CIMAP1B: variants seen among roughly 807,000 people sequenced by gnomAD.
CIMAP1B encodes the protein orf2 5' to PD-ECGF/TP.
At chr22:50,531,556 C>T in the CIMAP1B span, 2 of 1,424,588 alleles carry the variant, frequency 1.4e-6, no homozygotes, top group Non-Finnish European at 1.8e-6. Flanking sequence ...GGCCAGGGGC[C>T]CGGGGGTCCT....
chr22:50,531,511 G>T, the CIMAP1B span: 1 of 1,386,046 alleles, frequency 7.2e-7, no homozygotes, highest in Non-Finnish European at 9.4e-7. Flanking sequence ...GGGGTTCCCA[G>T]GTGGGCCTCC....
At chr22:50,531,452 C>T in the CIMAP1B span, 2 of 1,073,514 alleles carry the variant, frequency 1.9e-6, no homozygotes, top group African/African-American at 1.6e-5. Flanking sequence ...TATGGGGGTA[C>T]CGAATATGCG....
chr22:50,531,083 G>A, the CIMAP1B span: 9 of 1,599,528 alleles, frequency 5.6e-6, no homozygotes, highest in South Asian at 8.9e-5. Flanking sequence ...GGGCTCGGGG[G>A]TAGTGGGTCT....
At chr22:50,531,902 T>G in the CIMAP1B span, 1 of 1,311,708 alleles carries the variant, frequency 7.6e-7, no homozygotes, top group Non-Finnish European at 9.8e-7. Context: ...CAGGCCTCCC[T>G]GGTCTCTTCC....
the CIMAP1B span, chr22:50,530,518 C>T: frequency 1.2e-6 from 2 of 1,601,348 alleles, no homozygotes; most frequent in Non-Finnish European, 1.7e-6. Context: ...GCCAGGTAGT[C>T]CGAGTGCCGG....
At chr22:50,531,156 G>T in the CIMAP1B span, 44 of 1,595,060 alleles carry the variant, frequency 2.8e-5, no homozygotes, top group Middle Eastern at 3.3e-4. Context: ...GAGTGGGAAG[G>T]CCCACAGTTC....
chr22:50,531,550 A>T, the CIMAP1B span: 1 of 1,417,876 alleles, frequency 7.1e-7, no homozygotes, highest in South Asian at 1.6e-5. Flanking sequence ...TGGGGTGGCC[A>T]GGGGCCCGGG....
chr22:50,532,259 C>A, the CIMAP1B span: 39 of 848,800 alleles, frequency 4.6e-5, no homozygotes, highest in East Asian at 1.3e-3. Context: ...TCCTTCCCGG[C>A]TGTGTGGAGC....
chr22:50,530,465 C>A, the CIMAP1B span: 26 of 1,584,500 alleles, frequency 1.6e-5, no homozygotes, highest in Non-Finnish European at 2.1e-5. Context: ...TGTGGGGCCG[C>A]TCCCGCCTGG....
the CIMAP1B span, chr22:50,531,608 C>T: frequency 1.4e-6 from 2 of 1,404,168 alleles, no homozygotes; most frequent in Admixed American, 3.5e-5. Flanking sequence ...GCGGCGTGGG[C>T]GGCCGTAGAT....
the CIMAP1B span, chr22:50,530,758 T>C: frequency 6.2e-7 from 1 of 1,609,780 alleles, no homozygotes; most frequent in Non-Finnish European, 8.5e-7. Context: ...AGTGTTGTCT[T>C]GGGGGAGCGA....
the CIMAP1B span, chr22:50,530,900 C>G: frequency 2.5e-6 from 4 of 1,608,688 alleles, no homozygotes; most frequent in Non-Finnish European, 3.4e-6. Flanking sequence ...TGCCGCGGAC[C>G]AGGGACCCCC....
the CIMAP1B span, chr22:50,532,272 G>C: frequency 1.3e-6 from 1 of 773,702 alleles, no homozygotes. Context: ...TGTGGAGCTT[G>C]GGGCCGGGAG....
At chr22:50,530,492 G>A in the CIMAP1B span, 4 of 1,598,938 alleles carry the variant, frequency 2.5e-6, no homozygotes, top group Non-Finnish European at 3.4e-6. Context: ...AGTTGTCCGC[G>A]TCGGTCACCA....
At chr22:50,530,967 C>T in the CIMAP1B span, 9 of 1,611,406 alleles carry the variant, frequency 5.6e-6, no homozygotes, top group South Asian at 1.1e-5. Flanking sequence ...AACTGCCAGC[C>T]GCTCTGCGGC....
the CIMAP1B span, chr22:50,531,693 A>C: frequency 1.5e-6 from 2 of 1,362,290 alleles, no homozygotes; most frequent in African/African-American, 1.6e-5. Flanking sequence ...CCGGGGCCGC[A>C]CGTCGTCTGC....
the CIMAP1B span, chr22:50,531,584 A>G: frequency 1.4e-6 from 2 of 1,407,514 alleles, no homozygotes; most frequent in Admixed American, 3.5e-5. Flanking sequence ...TCCCGGAGTG[A>G]GGAAGGGCGC....
the CIMAP1B span, chr22:50,531,937 C>T: frequency 3.8e-6 from 5 of 1,315,030 alleles, no homozygotes; most frequent in Admixed American, 8.3e-5. Flanking sequence ...GGCGCCGTCC[C>T]ACCCCTCAAT....
the CIMAP1B span, chr22:50,531,996 G>A: frequency 1.5e-6 from 2 of 1,357,682 alleles, no homozygotes; most frequent in Non-Finnish European, 1.9e-6. Flanking sequence ...TTGTATTTGG[G>A]CCCGGGGCCT....
Sources: allele counts gnomAD v4.1 joint callset, GRCh38; gene constraint gnomAD v4.1.1; transcripts MANE v1.5; gene names NCBI Gene and HGNC (gene_info 2026-07-23, HGNC 2026-07-21).